TSPAN18: variants seen among roughly 807,000 people sequenced by gnomAD.
The protein encoded by TSPAN18 is tetraspanin 18.
In TSPAN18, 14 loss-of-function variants were observed where a neutral mutation model predicts 27.3. The observed-to-expected ratio is 0.51, with a 90% CI of 0.34 to 0.80. The LOEUF (loss-of-function observed/expected upper bound fraction) is 0.80, where lower values mean the gene tolerates loss of function less well. TSPAN18 is among the 30% of genes least tolerant of loss of function. TSPAN18 has a pLI of 0.01. For missense variants in TSPAN18, 268 were observed against 323.9 expected, an observed-to-expected ratio of 0.83 and a Z score of 1.32; for synonymous variants, 143 against 136.5, an observed-to-expected ratio of 1.05 and a Z score of -0.33.
chr11:44,832,719 G>A (rs1654264492), intron 2 of TSPAN18, among the ~76,000 whole-genome samples: 1 of 152,012 alleles, frequency 6.6e-6, no homozygotes, highest in South Asian at 2.1e-4. Context: ...CTCCTTCTTC[G>A]ATCCTTGCTG....
intron 2 of TSPAN18, among the ~76,000 whole-genome samples, chr11:44,817,605 G>C (rs548814252): frequency 6.6e-6 from 1 of 152,368 alleles, no homozygotes; most frequent in South Asian, 2.1e-4. Context: ...CTTGGGCACA[G>C]TCATGCCTCT....
intron 2 of TSPAN18, chr11:44,859,548 AG>A (rs1275637065): frequency 6.6e-6 from 1 of 152,196 alleles, no homozygotes; most frequent in Non-Finnish European, 1.5e-5. Context: ...CTGCCTCCAA[AG>A]CCCGTGCTCT....
chr11:44,922,117 ATTTTT>A (rs10659284), intron 8 of TSPAN18, among the ~76,000 whole-genome samples: 1 of 131,390 alleles, frequency 7.6e-6, no homozygotes. Context: ...CCCAGGATGC[ATTTTT>A]TTTTTTTTTT....
At chr11:44,871,465 C>T (rs1325237921) in intron 3 of TSPAN18, among the ~76,000 whole-genome samples, 1 of 152,160 alleles carries the variant, frequency 6.6e-6, no homozygotes, top group Non-Finnish European at 1.5e-5. Context: ...TGGGGGGACA[C>T]AAACATTCAG....
chr11:44,788,842 G>A (rs1195598845), intron 2 of TSPAN18, among the ~76,000 whole-genome samples: 1 of 152,218 alleles, frequency 6.6e-6, no homozygotes, highest in South Asian at 2.1e-4. Context: ...TTAAGAGGAG[G>A]TCATATGTCA....
chr11:44,873,892 C>T (rs769063817), intron 3 of TSPAN18, among the ~76,000 whole-genome samples: 15 of 152,164 alleles, frequency 9.9e-5, no homozygotes, highest in African/African-American at 1.9e-4. Flanking sequence ...TGAGGATTGG[C>T]CCCTCAGGGG....
intron 2 of TSPAN18, among the ~76,000 whole-genome samples, chr11:44,810,332 T>G (rs1465282359): frequency 6.6e-6 from 1 of 152,150 alleles, no homozygotes; most frequent in African/African-American, 2.4e-5. Flanking sequence ...TTCCTCTTCC[T>G]TCTCTATGGA....
At chr11:44,733,837 A>T (rs934732261) in intron 1 of TSPAN18, among the ~76,000 whole-genome samples, 4 of 152,146 alleles carry the variant, frequency 2.6e-5, no homozygotes, top group Non-Finnish European at 5.9e-5. Flanking sequence ...GTGTACCCCC[A>T]TGCTGGCCCA....
At chr11:44,732,905 A>G (rs1854697982) in intron 1 of TSPAN18, among the ~76,000 whole-genome samples, 1 of 152,206 alleles carries the variant, frequency 6.6e-6, no homozygotes, top group South Asian at 2.1e-4. Context: ...CTTGTCTAAT[A>G]TGGGTCTCTG....
At chr11:44,856,005 C>G (rs1857727776) in intron 2 of TSPAN18, among the ~76,000 whole-genome samples, 1 of 151,990 alleles carries the variant, frequency 6.6e-6, no homozygotes, top group Admixed American at 6.5e-5. Flanking sequence ...GCCTCAGCCT[C>G]CCGAGTAGCT....
chr11:44,879,262 C>CCCTT (rs1181465297), intron 3 of TSPAN18, among the ~76,000 whole-genome samples: 1 of 152,122 alleles, frequency 6.6e-6, no homozygotes, highest in Non-Finnish European at 1.5e-5. Flanking sequence ...CTCTCTCCCT[C>CCCTT]CCTTCCTTCC....
intron 1 of TSPAN18, among the ~76,000 whole-genome samples, chr11:44,743,489 A>G (rs1854994550): frequency 6.6e-6 from 1 of 152,166 alleles, no homozygotes; most frequent in Non-Finnish European, 1.5e-5. Context: ...TTGTCCTTCC[A>G]TGTGACATGG....
At chr11:44,772,416 G>A (rs1302758208) in intron 2 of TSPAN18, among the ~76,000 whole-genome samples, 6 of 51,822 alleles carry the variant, frequency 1.2e-4, no homozygotes, top group Non-Finnish European at 1.5e-4. Context: ...GTAAACAACC[G>A]TTATGACATG....
At chr11:44,790,472 CGT>C (rs1306432806) in intron 2 of TSPAN18, among the ~76,000 whole-genome samples, 8 of 136,602 alleles carry the variant, frequency 5.9e-5, no homozygotes, top group African/African-American at 1.7e-4. Flanking sequence ...TGCATGTGTT[CGT>C]GTGTGTGCAT....
chr11:44,920,813 G>A lies in TSPAN18; in HGVS notation c.615+814G>A, dbSNP rs1226925364. On this transcript the variant is annotated intron_variant, in intron 8 of 9. Coordinates refer to ENST00000520358, the MANE Select transcript of TSPAN18 (RefSeq NM_130783.5). ...AGACACAGCAGGGGACAGGAGACAA[G>A]GCCCCTGTTCCTGCGAGGCTCACGA... Among the ~76,000 whole-genome samples the A allele has an allele frequency of 2.0e-5, 3 of 152,240 alleles. No homozygotes were observed. The East Asian group carries it at 5.8e-4, about 29-fold the overall frequency.
At chr11:44,759,946 T>G (rs1855414562) in intron 1 of TSPAN18, among the ~76,000 whole-genome samples, 1 of 151,830 alleles carries the variant, frequency 6.6e-6, no homozygotes. Context: ...TGAAAGAAGG[T>G]TTTGAAGGAT....
chr11:44,846,168 G>A (rs1184068492), intron 2 of TSPAN18, among the ~76,000 whole-genome samples: 1 of 152,198 alleles, frequency 6.6e-6, no homozygotes, highest in East Asian at 1.9e-4. Context: ...TATAGGTGAG[G>A]ACATTGAGGC....
intron 1 of TSPAN18, among the ~76,000 whole-genome samples, chr11:44,758,158 C>T (rs962891121): frequency 2.6e-5 from 4 of 152,158 alleles, no homozygotes; most frequent in African/African-American, 9.7e-5. Flanking sequence ...CAGTCTTTCA[C>T]CATTGAATAT....
At chr11:44,903,755 G>C (rs1175890881) in intron 3 of TSPAN18, 5 of 455,602 alleles carry the variant, frequency 1.1e-5, no homozygotes. Flanking sequence ...AGACAAATCC[G>C]CCCCCCACCC....
Sources: gnomAD v4.1 joint callset for allele counts (sites outside exome capture counted in the v4.1 genomes callset) on GRCh38, gnomAD v4.1.1 for gene constraint, MANE v1.5 for transcripts, NCBI Gene and HGNC (gene_info 2026-07-23, HGNC 2026-07-21) for gene names.